CRISP1: variants seen among roughly 807,000 people sequenced by gnomAD.
CRISP1 encodes cysteine rich secretory protein 1.
In CRISP1, 44 loss-of-function variants were observed where a neutral mutation model predicts 33.1. The observed-to-expected ratio is 1.33, with a 90% CI of 1.05 to 1.71. CRISP1 has a LOEUF of 1.71. Ranked by LOEUF, CRISP1 falls within the 40% of genes most tolerant of loss-of-function variation. The pLI is 0.00. For synonymous variants in CRISP1, 103 were observed against 98.7 expected (o/e 1.04, Z -0.26); for missense variants, 390 against 301.2 (o/e 1.29, Z -2.18).
At chr6:49,852,245 G>A (rs1166257441) in intron 2 of CRISP1, 116 bp from the exon 3 acceptor site, 9 of 916,638 alleles carry the variant, frequency 9.8e-6, no homozygotes, top group Non-Finnish European at 1.4e-5. Flanking sequence ...GTGATTTATA[G>A]CATTTTTGAA....
upstream of CRISP1, among the ~76,000 whole-genome samples, chr6:49,871,367 C>T (rs1771918975): frequency 6.6e-6 from 1 of 152,118 alleles, no homozygotes; most frequent in Non-Finnish European, 1.5e-5. Flanking sequence ...ATGGATGCTT[C>T]TAAAATGGTC....
intron 5 of CRISP1, among the ~76,000 whole-genome samples, chr6:49,842,918 G>A (rs1021324428): frequency 1.3e-5 from 2 of 152,100 alleles, no homozygotes; most frequent in South Asian, 2.1e-4. Context: ...AAATGAAAGC[G>A]AATTTCTCTG....
At chr6:49,851,938 T>C in intron 3 of CRISP1, 63 bp downstream of exon 3, 1 of 1,536,344 alleles carries the variant, frequency 6.5e-7, no homozygotes, top group Non-Finnish European at 8.7e-7. Context: ...TAGAACTTAA[T>C]AAAACTCAGT....
chr6:49,842,504 A>G (rs1771025879), intron 5 of CRISP1, among the ~76,000 whole-genome samples: 1 of 152,210 alleles, frequency 6.6e-6, no homozygotes, highest in Admixed American at 6.5e-5. Flanking sequence ...CTTTTATTTT[A>G]CAAAATTTTT....
At chr6:49,839,578 TATG>T (rs1425318425) in intron 6 of CRISP1, among the ~76,000 whole-genome samples, 1 of 152,218 alleles carries the variant, frequency 6.6e-6, no homozygotes, top group Non-Finnish European at 1.5e-5. Flanking sequence ...CCTTTTTAAA[TATG>T]ATATTTGTTT....
At chr6:49,874,257 T>C (rs944888094) in intron 1 of CRISP1, among the ~76,000 whole-genome samples, 9 of 152,184 alleles carry the variant, frequency 5.9e-5, no homozygotes, top group Admixed American at 5.9e-4. Flanking sequence ...ATATTAGAAC[T>C]AAAACAGTTA....
chr6:49,872,275 A>G (rs1310915734), intron 1 of CRISP1, among the ~76,000 whole-genome samples: 1 of 151,516 alleles, frequency 6.6e-6, no homozygotes. Context: ...AATTTGTTTG[A>G]GTTCATTGTA....
upstream of CRISP1, among the ~76,000 whole-genome samples, chr6:49,867,265 C>T (rs565030151): frequency 6.6e-6 from 1 of 152,118 alleles, no homozygotes; most frequent in South Asian, 2.1e-4. Flanking sequence ...AAAATTTACT[C>T]TGAAACTAGG....
chr6:49,840,203 C>G (rs1770938139), intron 6 of CRISP1, among the ~76,000 whole-genome samples: 1 of 152,196 alleles, frequency 6.6e-6, no homozygotes, highest in South Asian at 2.1e-4. Context: ...ATAACCGTCA[C>G]TGGAGCCACA....
intron 1 of CRISP1, among the ~76,000 whole-genome samples, chr6:49,862,588 A>C (rs1771682677): frequency 6.6e-6 from 1 of 152,148 alleles, no homozygotes. Flanking sequence ...AAAACTTATT[A>C]TGATCTCTTG....
At chr6:49,837,534 AG>A (rs1770840497) in intron 7 of CRISP1, among the ~76,000 whole-genome samples, 1 of 152,064 alleles carries the variant, frequency 6.6e-6, no homozygotes, top group Non-Finnish European at 1.5e-5. Flanking sequence ...ATACAGAGAA[AG>A]AGAGAGGGAG....
upstream of CRISP1, among the ~76,000 whole-genome samples, chr6:49,867,162 A>G (rs762029970): frequency 6.6e-6 from 1 of 152,188 alleles, no homozygotes; most frequent in Non-Finnish European, 1.5e-5. Flanking sequence ...TAAAAATTCC[A>G]GAAATCATTT....
At position 49,850,547 on chromosome 6, in the gene CRISP1, C is replaced by T. The variant is rs1408160455; in HGVS notation, c.195+1454G>A. On this transcript the variant is annotated intron_variant, in intron 3 of 7. Coordinates refer to ENST00000335847, the MANE Select transcript of CRISP1 (RefSeq NM_001131.3). ...GGTAATTGTGGTTAACTCTTCAGTC[C>T]TATTGTTCCTTAAATTTGCTGTTGC... Among the ~76,000 whole-genome samples, 11 of 151,974 alleles carry T rather than the reference C, an allele frequency of 7.2e-5. No homozygotes were observed. In the South Asian group the frequency reaches 2.3e-3, roughly 32 times the overall value.
Position 49,835,124 on chromosome 6 carries a change from C to T in CRISP1, c.*192G>A, listed in dbSNP as rs972617116. 2.0e-6 allele frequency: 1 copy of T among 492,126 alleles called. No individual in the cohort carries two copies. Among genetic ancestry groups the T allele is most frequent in the East Asian group, 3.2e-5 (1 of 30,786 alleles). 30.5% of individuals were successfully genotyped at this position (492,126 alleles called of 1,614,324 possible). A position where few individuals can be genotyped will look rare whatever the true frequency, so the allele number is the denominator to read the frequency against. On this transcript the variant is annotated 3_prime_UTR_variant, in exon 8 of 8. Transcript: ENST00000335847. ...AATTTAAGGCAGGTGTTGGACTTGA[C>T]CTTTTACTCCAGCACTAAGAAAGTT...
At position 49,873,996 on chromosome 6, in the gene CRISP1, T is replaced by C. The variant is rs562933101; in HGVS notation, c.-3+3013A>G. ...TACATTCCTTAACCCACAGTTACTTTGATTTTCTTATTTTTAAATATAGAA... is the reference window on the plus strand; with the variant it reads ...TACATTCCTTAACCCACAGTTACTTCGATTTTCTTATTTTTAAATATAGAA... On this transcript the variant is annotated intron_variant, in intron 1 of 7. Transcript: ENST00000505118. Among the ~76,000 whole-genome samples the C allele has an allele frequency of 2.6e-5, 4 of 152,218 alleles. No individual in the cohort carries two copies. In the East Asian group the frequency reaches 5.8e-4, roughly 22 times the overall value.
intron 3 of CRISP1, 123 bp from the exon 4 acceptor site, chr6:49,848,422 A>G (rs1476699687): frequency 3.7e-6 from 2 of 535,460 alleles, no homozygotes; most frequent in African/African-American, 3.9e-5. Flanking sequence ...AATTTAAATA[A>G]TGAGATTACT....
intron 1 of CRISP1, among the ~76,000 whole-genome samples, chr6:49,860,819 AT>A (rs1225694497): frequency 6.6e-6 from 1 of 152,072 alleles, no homozygotes; most frequent in Non-Finnish European, 1.5e-5. Flanking sequence ...GGATAAAAAA[AT>A]GTTGATTTTT....
At chr6:49,848,382 G>C in intron 3 of CRISP1, 83 bp from the exon 4 acceptor site, 1 of 726,786 alleles carries the variant, frequency 1.4e-6, no homozygotes, top group Non-Finnish European at 2.2e-6. Context: ...TAATCCACGA[G>C]ATATAATATC....
chr6:49,846,714 A>T, intron 4 of CRISP1, 46 bp from the exon 5 acceptor site: 1 of 1,580,354 alleles, frequency 6.3e-7, no homozygotes, highest in Non-Finnish European at 8.6e-7. Flanking sequence ...CAAATGGGAA[A>T]TAGTATACAA....
Sources: gnomAD v4.1 joint callset for allele counts (sites outside exome capture counted in the v4.1 genomes callset) on GRCh38, gnomAD v4.1.1 for gene constraint, MANE v1.5 for transcripts, NCBI Gene and HGNC (gene_info 2026-07-23, HGNC 2026-07-21) for gene names.